The following KIAA0825 variants were observed in gnomAD, a reference collection of about 807,000 sequenced individuals.
KIAA0825 encodes the protein uncharacterized protein KIAA0825.
KIAA0825 carries 119 observed loss-of-function variants against 147.6 expected under a neutral mutation model. The ratio of observed to expected loss-of-function variants is 0.81; its 90% confidence interval spans 0.69 to 0.94. The LOEUF (loss-of-function observed/expected upper bound fraction) is 0.94, where lower values mean the gene tolerates loss of function less well. Among genes scored for constraint, KIAA0825 ranks in the 40% least tolerant of loss-of-function variants. KIAA0825 has a pLI of 0.00. For missense variants in KIAA0825, 1,381 were observed against 1,472.7 expected (o/e 0.94, Z 1.02); for synonymous variants, 470 against 518.1 (o/e 0.91, Z 1.26).
chr5:94,241,051 G>A (rs1297646743), intron 20 of KIAA0825, among the ~76,000 whole-genome samples: 1 of 152,182 alleles, frequency 6.6e-6, no homozygotes, highest in Admixed American at 6.5e-5. Flanking sequence ...GTGACACCAA[G>A]TAACTCTTTG....
At chr5:94,569,651 G>T in intron 2 of KIAA0825, 1 of 355,896 alleles carries the variant, frequency 2.8e-6, no homozygotes, top group South Asian at 1.5e-4. Flanking sequence ...CTCACTTCTT[G>T]GCGCCTGCCT....
chr5:94,610,953 G>A (rs1340330256), intron 1 of KIAA0825, among the ~76,000 whole-genome samples: 1 of 151,816 alleles, frequency 6.6e-6, no homozygotes, highest in African/African-American at 2.4e-5. Context: ...TGTTGAATTA[G>A]CTGTGCTCCC....
rs147430857 is a variant in KIAA0825, at chr5:94,381,438, T to A, written c.3710+2930A>T. ...CATTTGTTGCATGCCGAGTATTACA[T>A]TGAATCCACACAAATGCAGTGATGT... On this transcript the variant is annotated intron_variant, in intron 20 of 20. Coordinates refer to ENST00000682413, the MANE Select transcript of KIAA0825 (RefSeq NM_001145678.3). 1.8e-3 allele frequency among the ~76,000 whole-genome samples: 271 copies of A among 152,344 alleles called. 3 individuals carry two copies. The highest frequency in any genetic ancestry group is 6.2e-3 in the African/African-American group (258 of 41,572).
chr5:94,335,916 T>G (rs1193305031), intron 20 of KIAA0825, among the ~76,000 whole-genome samples: 1 of 152,216 alleles, frequency 6.6e-6, no homozygotes, highest in Admixed American at 6.5e-5. Context: ...ATCACTAACT[T>G]TTTAAGATAA....
At chr5:94,469,246 T>C (rs1373208656) in intron 10 of KIAA0825, among the ~76,000 whole-genome samples, 1 of 151,800 alleles carries the variant, frequency 6.6e-6, no homozygotes, top group Non-Finnish European at 1.5e-5. Context: ...TCTCAGCTCA[T>C]TGCAATCTAC....
intron 2 of KIAA0825, among the ~76,000 whole-genome samples, chr5:94,560,539 AC>A (rs1175096647): frequency 6.6e-6 from 1 of 152,190 alleles, no homozygotes; most frequent in Non-Finnish European, 1.5e-5. Context: ...TAAAAATCAA[AC>A]AAAAAAGAAT....
intron 2 of KIAA0825, among the ~76,000 whole-genome samples, chr5:94,553,121 C>T (rs1166831609): frequency 6.6e-6 from 1 of 152,032 alleles, no homozygotes; most frequent in African/African-American, 2.4e-5. Context: ...CACTATGTAC[C>T]CATGTACAAC....
chr5:94,348,607 A>C (rs758998734), intron 20 of KIAA0825, among the ~76,000 whole-genome samples: 1 of 152,098 alleles, frequency 6.6e-6, no homozygotes, highest in Non-Finnish European at 1.5e-5. Context: ...AAACTTAAAG[A>C]AAATGGGTGA....
intron 3 of KIAA0825, among the ~76,000 whole-genome samples, chr5:94,526,233 C>T (rs983876790): frequency 6.6e-6 from 1 of 151,814 alleles, no homozygotes; most frequent in African/African-American, 2.4e-5. Flanking sequence ...GTAACATTTT[C>T]AAATGTTATC....
intron 20 of KIAA0825, among the ~76,000 whole-genome samples, chr5:94,314,130 AAACACACATACACATATGCTGT>A (rs769982854): frequency 4.5e-4 from 69 of 151,694 alleles, no homozygotes; most frequent in Admixed American, 2.0e-4. Context: ...AGGATCTATT[AAACACACATACACATATGCTGT>A]AACACATTTC....
At chr5:94,615,992 C>T (rs544681099) in intron 1 of KIAA0825, among the ~76,000 whole-genome samples, 13 of 151,978 alleles carry the variant, frequency 8.6e-5, no homozygotes, top group African/African-American at 2.7e-4. Flanking sequence ...GCCTTAGCCT[C>T]CCAAAGTATT....
At position 94,406,768 on chromosome 5, in the gene KIAA0825, C is replaced by T. The variant is rs950917646; in HGVS notation, c.2663-2975G>A. On this transcript the variant is annotated intron_variant, in intron 15 of 20. Coordinates refer to ENST00000682413, the MANE Select transcript of KIAA0825 (RefSeq NM_001145678.3). ...GCAAGTTCTACTATGGCCTTGAAAA[C>T]GAGCAGCCTTGAAGCCATGGTAGTT... 5.3e-5 allele frequency among the ~76,000 whole-genome samples: 8 copies of T among 152,180 alleles called. No homozygotes were observed. The South Asian group carries it at 1.2e-3, about 24-fold the overall frequency.
chr5:94,531,281 G>C (rs976777976), intron 3 of KIAA0825, among the ~76,000 whole-genome samples: 1 of 152,144 alleles, frequency 6.6e-6, no homozygotes, highest in Non-Finnish European at 1.5e-5. Flanking sequence ...CACTATGTAT[G>C]ATGACGGAGA....
At chr5:94,210,650 C>A (rs1772624199) in intron 20 of KIAA0825, among the ~76,000 whole-genome samples, 1 of 152,118 alleles carries the variant, frequency 6.6e-6, no homozygotes, top group African/African-American at 2.4e-5. Flanking sequence ...AATGAACTAA[C>A]TAAAAATGAG....
chr5:94,585,208 A>T (rs2152375521), intron 1 of KIAA0825, among the ~76,000 whole-genome samples: 1 of 152,356 alleles, frequency 6.6e-6, no homozygotes, highest in East Asian at 1.9e-4. Context: ...CTTAAATGTA[A>T]ATGGGCTAAA....
chr5:94,594,147 A>G (rs1784844698), intron 1 of KIAA0825: 1 of 556,790 alleles, frequency 1.8e-6, no homozygotes, highest in South Asian at 1.4e-5. Context: ...AATATCTGCT[A>G]AAGGTAATTT....
intron 5 of KIAA0825, among the ~76,000 whole-genome samples, chr5:94,493,550 C>G (rs1763972951): frequency 6.6e-6 from 1 of 152,098 alleles, no homozygotes; most frequent in Admixed American, 6.5e-5. Flanking sequence ...TGCAGTGGCG[C>G]AATCTCAGCT....
chr5:94,266,650 C>T (rs1358975639), intron 20 of KIAA0825, among the ~76,000 whole-genome samples: 13 of 152,082 alleles, frequency 8.5e-5, no homozygotes. Flanking sequence ...CATGATAATC[C>T]AGCTATGTTA....
At chr5:94,529,467 T>A (rs1451174766) in intron 3 of KIAA0825, among the ~76,000 whole-genome samples, 6 of 146,056 alleles carry the variant, frequency 4.1e-5, no homozygotes, top group African/African-American at 1.3e-4. Context: ...ATATATATAT[T>A]GTGTGTATAT....
Sources: allele counts gnomAD v4.1 joint callset (sites outside exome capture counted in the v4.1 genomes callset), GRCh38; gene constraint gnomAD v4.1.1; transcripts MANE v1.5; gene names NCBI Gene and HGNC (gene_info 2026-07-23, HGNC 2026-07-21).